The following CAV1 variants were observed in gnomAD, a reference collection of about 807,000 sequenced individuals.
CAV1 encodes caveolin 1, also known as caveolin-1.
A neutral mutation model predicts 16.5 loss-of-function variants in CAV1; 10 were observed. The ratio of observed to expected loss-of-function variants is 0.61; its 90% CI spans 0.37 to 1.03. The LOEUF is 1.03. Ranked by LOEUF, CAV1 falls within the 50% of genes least tolerant of loss-of-function variation. The probability of loss-of-function intolerance (pLI) is 0.01; values close to 1 mark genes in which losing one functional copy is unlikely to be tolerated. For synonymous variants in CAV1, 76 were observed against 85.1 expected (o/e 0.89, Z 0.59); for missense variants, 212 against 232.8 (o/e 0.91, Z 0.58).
At chr7:116,533,497 T>C (rs1358891916) in intron 2 of CAV1, among the ~76,000 whole-genome samples, 1 of 152,200 alleles carries the variant, frequency 6.6e-6, no homozygotes, top group Non-Finnish European at 1.5e-5. Flanking sequence ...GACAAAATCT[T>C]GCTCTGTTGC....
chr7:116,559,827 A>G lies in CAV1; in HGVS notation c.*540A>G, dbSNP rs1584788860. 1 of 402,598 alleles carries G rather than the reference A, an allele frequency of 2.5e-6. No individual in the cohort carries two copies. Among genetic ancestry groups the G allele is most frequent in the East Asian group, 3.6e-5 (1 of 28,162 alleles). 24.9% of individuals were successfully genotyped at this position (402,598 alleles called of 1,614,324 possible). ...TAGGATCCAGTGATCCTTACAAGTT[A>G]GAAAACATAATCTTCTGCCTTCTCA... On this transcript the variant is annotated 3_prime_UTR_variant, in exon 3 of 3. Coordinates refer to ENST00000341049, the MANE Select transcript of CAV1 (RefSeq NM_001753.5).
At chr7:116,558,748 G>A (rs762860865) in intron 2 of CAV1, among the ~76,000 whole-genome samples, 198 bp from the exon 3 acceptor site, 1 of 151,952 alleles carries the variant, frequency 6.6e-6, no homozygotes, top group African/African-American at 2.4e-5. Context: ...GCAAGACCCT[G>A]TCTCAAAAAA....
At chr7:116,534,269 C>T (rs1793747293) in intron 2 of CAV1, among the ~76,000 whole-genome samples, 1 of 146,358 alleles carries the variant, frequency 6.8e-6, no homozygotes, top group Non-Finnish European at 1.5e-5. Context: ...AACCCCATAG[C>T]CTCTTTATAA....
At chr7:116,557,707 C>T in intron 2 of CAV1, among the ~76,000 whole-genome samples, 1 of 151,900 alleles carries the variant, frequency 6.6e-6, no homozygotes, top group East Asian at 1.9e-4. Context: ...ATCTCTGGAA[C>T]CTTCTTTTCT....
intron 2 of CAV1, among the ~76,000 whole-genome samples, chr7:116,549,215 C>T (rs982020956): frequency 1.3e-5 from 2 of 152,222 alleles, no homozygotes; most frequent in African/African-American, 2.4e-5. Context: ...CAGGGCTGGG[C>T]CTGGGCTGCT....
intron 2 of CAV1, among the ~76,000 whole-genome samples, chr7:116,541,833 G>A (rs1190941610): frequency 1.3e-5 from 2 of 151,528 alleles, no homozygotes; most frequent in African/African-American, 4.9e-5. Context: ...CCAGGAATGT[G>A]TCACCAGAGG....
intron 2 of CAV1, among the ~76,000 whole-genome samples, chr7:116,549,951 AT>A (rs1794126962): frequency 6.6e-6 from 1 of 152,204 alleles, no homozygotes; most frequent in African/African-American, 2.4e-5. Flanking sequence ...CAATGGGGAA[AT>A]AAAGGACTTT....
chr7:116,535,713 G>C (rs1793797121), intron 2 of CAV1, among the ~76,000 whole-genome samples: 1 of 152,140 alleles, frequency 6.6e-6, no homozygotes, highest in African/African-American at 2.4e-5. Context: ...CCTTTCATGG[G>C]AACTATGTTG....
At position 116,526,519 on chromosome 7, in the gene CAV1, C is replaced by G; in HGVS notation, c.31-6C>G. 1 of 1,613,954 alleles carries G rather than the reference C, an allele frequency of 6.2e-7. No homozygotes were observed. Among genetic ancestry groups the G allele is most frequent in the Non-Finnish European group, 8.5e-7 (1 of 1,180,012 alleles). On this transcript the variant is annotated splice_polypyrimidine_tract_variant and splice_region_variant and intron_variant, in intron 1 of 2. Transcript: ENST00000341049. ...GTCCTGGCCGTCCGCCCTCCGCCCT[C>G]TGCAGGGACATCTCTACACCGTTCC...
chr7:116,525,729 T>G, intron 1 of CAV1: 1 of 1,056,842 alleles, frequency 9.5e-7, no homozygotes, highest in East Asian at 8.2e-5. Context: ...AACCTCGTCT[T>G]CCAACACGTA....
At chr7:116,534,378 TATATATATATATA>T (rs1284237368) in intron 2 of CAV1, among the ~76,000 whole-genome samples, 6 of 15,142 alleles carry the variant, frequency 4.0e-4, no homozygotes, top group African/African-American at 1.0e-3. Context: ...TATATATATA[TATATATATATATA>T]TATATTTTTT....
At chr7:116,532,925 T>C (rs1354849544) in intron 2 of CAV1, among the ~76,000 whole-genome samples, 1 of 152,222 alleles carries the variant, frequency 6.6e-6, no homozygotes, top group African/African-American at 2.4e-5. Flanking sequence ...CTAGTCCCAC[T>C]GGACACCAAG....
chr7:116,534,734 C>T (rs1383277482), intron 2 of CAV1, among the ~76,000 whole-genome samples: 1 of 151,856 alleles, frequency 6.6e-6, no homozygotes, highest in Non-Finnish European at 1.5e-5. Context: ...AGAGGTGGAG[C>T]CTGAGTATCT....
intron 2 of CAV1, among the ~76,000 whole-genome samples, chr7:116,531,660 C>G (rs995341277): frequency 6.6e-6 from 1 of 152,150 alleles, no homozygotes; most frequent in Admixed American, 6.5e-5. Flanking sequence ...CATATGTATA[C>G]ATGTGCCATG....
chr7:116,545,417 T>C (rs1455289569), intron 2 of CAV1, among the ~76,000 whole-genome samples: 1 of 152,220 alleles, frequency 6.6e-6, no homozygotes, highest in Non-Finnish European at 1.5e-5. Context: ...CAATTCTGTA[T>C]AATGGGCTGT....
intron 1 of CAV1, chr7:116,525,930 C>A: frequency 1.3e-6 from 1 of 762,278 alleles, no homozygotes; most frequent in Non-Finnish European, 1.6e-6. Context: ...AAGAGAGGGC[C>A]GAGGCAGGGT....
chr7:116,527,841 G>T (rs545240549), intron 2 of CAV1, among the ~76,000 whole-genome samples: 1 of 152,040 alleles, frequency 6.6e-6, no homozygotes, highest in African/African-American at 2.4e-5. Flanking sequence ...ATTTCAAAAG[G>T]GGAAACAGTT....
chr7:116,536,896 G>A (rs1257329952), intron 2 of CAV1, among the ~76,000 whole-genome samples: 1 of 151,382 alleles, frequency 6.6e-6, no homozygotes, highest in Non-Finnish European at 1.5e-5. Context: ...CCAGCTACTC[G>A]GGAGGCTGAG....
chr7:116,558,630 G>A (rs1218577403), intron 2 of CAV1, among the ~76,000 whole-genome samples: 2 of 151,540 alleles, frequency 1.3e-5, no homozygotes, highest in East Asian at 3.9e-4. Flanking sequence ...GCATGAACCT[G>A]TGGTCCCAGC....
Sources: gnomAD v4.1 joint callset for allele counts (sites outside exome capture counted in the v4.1 genomes callset) on GRCh38, gnomAD v4.1.1 for gene constraint, MANE v1.5 for transcripts, NCBI Gene and HGNC (gene_info 2026-07-23, HGNC 2026-07-21) for gene names.